Variants in DTNA observed in about 807,000 individuals in gnomAD.
DTNA encodes dystrobrevin alpha, also known as dystrophin-related protein 3.
DTNA carries 43 observed loss-of-function variants against 100.7 expected under a neutral mutation model. The observed-to-expected ratio is 0.43, with a 90% CI of 0.33 to 0.55. The LOEUF (loss-of-function observed/expected upper bound fraction) is 0.55. DTNA is among the 20% of genes least tolerant of loss of function. The pLI is 0.04. For synonymous variants in DTNA, 349 were observed against 347.9 expected (o/e 1.00, Z -0.04); for missense variants, 798 against 953.9 (o/e 0.84, Z 2.15).
intron 1 of DTNA, among the ~76,000 whole-genome samples, chr18:34,658,024 C>T (rs761258041): frequency 6.6e-6 from 1 of 152,210 alleles, no homozygotes; most frequent in Non-Finnish European, 1.5e-5. Flanking sequence ...AATTGGCTGA[C>T]TTCAGAGTCT....
chr18:34,828,257 G>C (rs2095907905), intron 10 of DTNA, among the ~76,000 whole-genome samples: 1 of 152,170 alleles, frequency 6.6e-6, no homozygotes, highest in African/African-American at 2.4e-5. Flanking sequence ...GCAAGAAACA[G>C]GAGAAGCAAA....
intron 1 of DTNA, among the ~76,000 whole-genome samples, chr18:34,558,316 A>C (rs973697644): frequency 2.6e-5 from 4 of 152,142 alleles, no homozygotes; most frequent in Non-Finnish European, 5.9e-5. Context: ...GAAATGCAGA[A>C]ATCACCCGTC....
At chr18:34,497,157 T>G (rs1483524313) in intron 1 of DTNA, among the ~76,000 whole-genome samples, 4 of 152,194 alleles carry the variant, frequency 2.6e-5, no homozygotes, top group Non-Finnish European at 5.9e-5. Context: ...CTGTGTGGTT[T>G]GGGAGGTTTT....
Position 34,887,658 on chromosome 18 carries a change from C to T in DTNA, c.*32-108C>T, listed in dbSNP as rs141143676. On this transcript the variant is annotated intron_variant, in intron 22 of 22. Transcript: ENST00000444659. The stretch of plus-strand genomic sequence containing the variant: ...GTGTGTGCATGTGTGTGTGTGTGTG[C>T]GCGCGCACTTTCTTCTATATTGGGG... 6.8e-4 allele frequency: 474 copies of T among 693,194 alleles called. 1 individual carries two copies. The highest frequency in any genetic ancestry group is 1.4e-3 in the Middle Eastern group (2 of 1,388). 42.9% of individuals were successfully genotyped at this position (693,194 alleles called of 1,614,324 possible).
intron 17 of DTNA, among the ~76,000 whole-genome samples, chr18:34,871,181 A>G (rs2096762114): frequency 6.6e-6 from 1 of 152,170 alleles, no homozygotes; most frequent in African/African-American, 2.4e-5. Flanking sequence ...GGGTGTCCTG[A>G]TTCAACAATT....
At chr18:34,832,477 T>G (rs549103441) in intron 11 of DTNA, among the ~76,000 whole-genome samples, 1 of 152,318 alleles carries the variant, frequency 6.6e-6, no homozygotes, top group African/African-American at 2.4e-5. Context: ...CCTACTAGAG[T>G]TGCTTTGGCT....
intron 5 of DTNA, among the ~76,000 whole-genome samples, chr18:34,807,343 G>C (rs1045565321): frequency 6.6e-6 from 1 of 152,134 alleles, no homozygotes; most frequent in Non-Finnish European, 1.5e-5. Flanking sequence ...TCCTTTGTCA[G>C]TTACTTCACT....
intron 1 of DTNA, among the ~76,000 whole-genome samples, chr18:34,624,433 A>G (rs2057022021): frequency 6.6e-6 from 1 of 151,962 alleles, no homozygotes; most frequent in Non-Finnish European, 1.5e-5. Context: ...TAAAGATCTG[A>G]CAGCACAACT....
chr18:34,641,483 T>C (rs2059272910), intron 1 of DTNA, among the ~76,000 whole-genome samples: 1 of 152,362 alleles, frequency 6.6e-6, no homozygotes, highest in East Asian at 1.9e-4. Flanking sequence ...TCAGGCCTAG[T>C]CTCTCTTCCT....
At chr18:34,834,562 C>T (rs1162047034) in intron 11 of DTNA, among the ~76,000 whole-genome samples, 3 of 151,974 alleles carry the variant, frequency 2.0e-5, no homozygotes, top group African/African-American at 7.3e-5. Context: ...TGAAGCATGG[C>T]ATCAGCATCT....
intron 17 of DTNA, among the ~76,000 whole-genome samples, chr18:34,871,971 G>A (rs2096770039): frequency 6.6e-6 from 1 of 152,202 alleles, no homozygotes; most frequent in Non-Finnish European, 1.5e-5. Context: ...TAATCAAACT[G>A]CATGAAATTG....
intron 18 of DTNA, among the ~76,000 whole-genome samples, chr18:34,875,670 C>T (rs764269760): frequency 2.0e-5 from 3 of 152,152 alleles, no homozygotes; most frequent in Admixed American, 1.3e-4. Context: ...TTCACCAATA[C>T]CCCCAGAAAA....
At chr18:34,584,612 A>G (rs1273857068) in intron 1 of DTNA, among the ~76,000 whole-genome samples, 1 of 152,210 alleles carries the variant, frequency 6.6e-6, no homozygotes, top group African/African-American at 2.4e-5. Context: ...TAGTTTCAGA[A>G]TAAAAGAACA....
At chr18:34,882,004 A>G (rs761208543) in intron 20 of DTNA, 65 bp from the exon 21 acceptor site, 8 of 1,611,982 alleles carry the variant, frequency 5.0e-6, no homozygotes, top group Non-Finnish European at 6.8e-6. Flanking sequence ...CAGCTCACAC[A>G]TGAATCCCGC....
At chr18:34,654,123 G>T (rs2074014962) in intron 1 of DTNA, among the ~76,000 whole-genome samples, 1 of 152,154 alleles carries the variant, frequency 6.6e-6, no homozygotes, top group Non-Finnish European at 1.5e-5. Context: ...TAATTCACCT[G>T]GTGAGCTTGC....
chr18:34,587,769 G>C (rs1017697554), intron 1 of DTNA, among the ~76,000 whole-genome samples: 1 of 152,056 alleles, frequency 6.6e-6, no homozygotes, highest in African/African-American at 2.4e-5. Flanking sequence ...TTATTAAAAA[G>C]GCTAATCTTT....
rs116161331 is a variant in DTNA at position 34,580,971 on chromosome 18, C to T, written c.-2+87457C>T. Reference sequence around the variant, plus strand: ...CTGTTGAAAGTGTGTTAAGGCTGGGCGCGGTGGCTCACGCCTGTAATCCCA... The same window carrying T: ...CTGTTGAAAGTGTGTTAAGGCTGGGTGCGGTGGCTCACGCCTGTAATCCCA... On this transcript the variant is annotated intron_variant, in intron 1 of 19. Transcript: ENST00000283365. Among the ~76,000 whole-genome samples, 692 of 152,242 alleles carry T rather than the reference C, an allele frequency of 4.5e-3. 5 individuals carry two copies. The highest frequency in any genetic ancestry group is 0.016 in the African/African-American group (662 of 41,550).
intron 1 of DTNA, among the ~76,000 whole-genome samples, chr18:34,521,598 C>G (rs1027974796): frequency 3.9e-5 from 6 of 152,108 alleles, no homozygotes; most frequent in African/African-American, 1.4e-4. Context: ...TACTCTATTC[C>G]TTGACTTCCG....
chr18:34,880,305 T>C (rs374752239), intron 20 of DTNA, among the ~76,000 whole-genome samples: 6 of 152,320 alleles, frequency 3.9e-5, no homozygotes, highest in African/African-American at 1.4e-4. Flanking sequence ...GCAGCATCAG[T>C]AACGTCCCCA....
Sources: gnomAD v4.1 joint callset for allele counts (sites outside exome capture counted in the v4.1 genomes callset) on GRCh38, gnomAD v4.1.1 for gene constraint, MANE v1.5 for transcripts, NCBI Gene and HGNC (gene_info 2026-07-23, HGNC 2026-07-21) for gene names.